DPY30: variants seen among roughly 807,000 people sequenced by gnomAD.
DPY30 encodes the protein dpy-30 histone methyltransferase complex regulatory subunit.
In DPY30, 6 loss-of-function variants were observed where a neutral mutation model predicts 16.2. The ratio of observed to expected loss-of-function variants is 0.37; its 90% CI spans 0.20 to 0.73. DPY30 has a LOEUF of 0.73. Ranked by LOEUF, DPY30 falls within the 30% of genes least tolerant of loss-of-function variation. The pLI is 0.51. For synonymous variants in DPY30, 39 were observed against 38.8 expected, an observed-to-expected ratio of 1.00 and a Z score of -0.02; for missense variants, 73 against 113.1, an observed-to-expected ratio of 0.65 and a Z score of 1.61.
downstream of DPY30, chr2:32,023,694 C>G: frequency 5.4e-6 from 7 of 1,289,492 alleles, no homozygotes; most frequent in Non-Finnish European, 7.2e-6. Context: ...ACTTGTTAAG[C>G]CATTGAAGAT....
intron 3 of DPY30, among the ~76,000 whole-genome samples, chr2:32,037,045 A>C (rs765823167): frequency 6.6e-6 from 1 of 152,198 alleles, no homozygotes; most frequent in Non-Finnish European, 1.5e-5. Flanking sequence ...TGTGAAGCAA[A>C]TCTACAACTG....
intron 5 of DPY30, among the ~76,000 whole-genome samples, chr2:32,018,110 G>T (rs958284474): frequency 2.0e-5 from 3 of 152,044 alleles, no homozygotes; most frequent in African/African-American, 7.2e-5. Flanking sequence ...ATAGTATTTT[G>T]TTATAGCAGG....
intron 5 of DPY30, among the ~76,000 whole-genome samples, chr2:32,016,035 A>G (rs1380563507): frequency 6.6e-6 from 1 of 151,948 alleles, no homozygotes; most frequent in Non-Finnish European, 1.5e-5. Context: ...GGTAGCTGGG[A>G]TTACAGGCAC....
chr2:32,039,636 C>T, intron 1 of DPY30, 97 bp downstream of exon 1: 2 of 686,672 alleles, frequency 2.9e-6, no homozygotes, highest in South Asian at 1.8e-5. Context: ...CAGAGTGGGA[C>T]AGTCCACGAC....
Position 32,026,215 on chromosome 2 carries a change from C to T in DPY30, c.228-1959G>A, listed in dbSNP as rs145307175. Among the ~76,000 whole-genome samples, 428 of 151,756 alleles carry T rather than the reference C, an allele frequency of 2.8e-3. 1 individual carries two copies. Among genetic ancestry groups the T allele is most frequent in the Non-Finnish European group, 4.5e-3 (304 of 67,948 alleles). On this transcript the variant is annotated intron_variant, in intron 4 of 4. Coordinates refer to ENST00000342166, the MANE Select transcript of DPY30 (RefSeq NM_001321209.2). ...GAGTCCAAGGAGGATCACTTCCAAG[C>T]CTGGGCAACATAGTAAGACCCCAAC...
At chr2:32,037,279 TG>T (rs1200636242) in intron 3 of DPY30, among the ~76,000 whole-genome samples, 2 of 152,166 alleles carry the variant, frequency 1.3e-5, no homozygotes, top group Admixed American at 1.3e-4. Flanking sequence ...CTCCTTTTTT[TG>T]TATTGTTTAC....
chr2:32,027,051 A>ATG (rs1675358924), intron 4 of DPY30, among the ~76,000 whole-genome samples: 1 of 151,844 alleles, frequency 6.6e-6, no homozygotes, highest in African/African-American at 2.4e-5. Context: ...CAATGAGGGC[A>ATG]GACCACCTGA....
At chr2:32,035,458 T>C (rs1377076267) in intron 3 of DPY30, among the ~76,000 whole-genome samples, 2 of 150,802 alleles carry the variant, frequency 1.3e-5, no homozygotes, top group African/African-American at 4.9e-5. Context: ...AAAAATTAGC[T>C]GGGTTTGGTG....
At chr2:32,023,084 AAG>A (rs1675220689), downstream of DPY30, among the ~76,000 whole-genome samples, 1 of 151,626 alleles carries the variant, frequency 6.6e-6, no homozygotes, top group South Asian at 2.1e-4. Flanking sequence ...TTGGGGGGCC[AAG>A]GCAGGTGGAT....
chr2:32,027,270 C>CAA (rs1182400819), intron 4 of DPY30, among the ~76,000 whole-genome samples: 18 of 70,168 alleles, frequency 2.6e-4, no homozygotes, highest in Admixed American at 4.9e-4. Flanking sequence ...GACTCTGTCT[C>CAA]AAAAAAAAAA....
chr2:32,021,366 G>C (rs984678923), downstream of DPY30, among the ~76,000 whole-genome samples: 2 of 151,592 alleles, frequency 1.3e-5, no homozygotes, highest in Non-Finnish European at 2.9e-5. Context: ...CTTAACCACA[G>C]GTATCAGAAT....
chr2:32,019,831 AAAAAAT>A (rs1251908414), downstream of DPY30, among the ~76,000 whole-genome samples: 12 of 140,618 alleles, frequency 8.5e-5, no homozygotes, highest in African/African-American at 2.9e-4. Flanking sequence ...AAAAAAAAAA[AAAAAAT>A]ATATATATAT....
intron 5 of DPY30, among the ~76,000 whole-genome samples, chr2:32,012,475 G>A (rs1674973134): frequency 8.1e-6 from 1 of 124,174 alleles, no homozygotes; most frequent in South Asian, 2.4e-4. Flanking sequence ...CTGTCACCCA[G>A]GCTGGAGTGC....
chr2:32,023,525 G>C (rs1675230182), downstream of DPY30: 1 of 487,316 alleles, frequency 2.1e-6, no homozygotes, highest in African/African-American at 2.0e-5. Context: ...TTATATCAGA[G>C]ATCATTTAAG....
At chr2:32,019,240 G>A (rs779567919), downstream of DPY30, among the ~76,000 whole-genome samples, 22 of 151,928 alleles carry the variant, frequency 1.4e-4, no homozygotes, top group Non-Finnish European at 2.5e-4. Context: ...CTACAGGCAC[G>A]CCCCACCGCA....
chr2:32,039,369 T>G, intron 2 of DPY30, 43 bp from the exon 3 acceptor site: 1 of 1,614,062 alleles, frequency 6.2e-7, no homozygotes, highest in Non-Finnish European at 8.5e-7. Flanking sequence ...AGTCCCCCCT[T>G]TCTCGCTGCC....
In DPY30 at chr2:32,039,430, T is replaced by TCCCTCCAGCATCTGC. The variant is rs1251464247; in HGVS notation, c.12_26dup (p.Met6_Gln10dup). ...CACGGCCTCCTGATACCTGCGTTTG[T>TCCCTCCAGCATCTGC]CCCTCCAGCATCTGCTCTGGCTCCA... On this transcript the variant is annotated inframe_insertion, in exon 2 of 5. Transcript: ENST00000342166. 1 of 1,614,104 alleles carries TCCCTCCAGCATCTGC rather than the reference T, an allele frequency of 6.2e-7. No individual in the cohort carries two copies. The highest frequency in any genetic ancestry group is 8.5e-7 in the Non-Finnish European group (1 of 1,180,024).
At chr2:32,031,583 C>G (rs1675541877) in intron 3 of DPY30, among the ~76,000 whole-genome samples, 1 of 151,040 alleles carries the variant, frequency 6.6e-6, no homozygotes, top group African/African-American at 2.4e-5. Flanking sequence ...GGTAACACAG[C>G]AAGATTCCGT....
intron 3 of DPY30, 130 bp downstream of exon 3, chr2:32,039,149 A>G (rs1248032133): frequency 9.3e-7 from 1 of 1,074,418 alleles, no homozygotes; most frequent in South Asian, 1.3e-5. Context: ...AGCTACCCAT[A>G]ACTTGATACT....
Sources: allele counts gnomAD v4.1 joint callset (sites outside exome capture counted in the v4.1 genomes callset), GRCh38; gene constraint gnomAD v4.1.1; transcripts MANE v1.5; gene names NCBI Gene and HGNC (gene_info 2026-07-23, HGNC 2026-07-21).